The following GRM5 variants were observed in gnomAD, a reference collection of about 807,000 sequenced individuals.
GRM5 encodes glutamate metabotropic receptor 5, also known as metabotropic glutamate receptor 5.
A neutral mutation model predicts 83.1 loss-of-function variants in GRM5; 19 were observed. That is an observed-to-expected ratio of 0.23 (90% CI 0.16 to 0.34). The LOEUF is 0.34. Among genes scored for constraint, GRM5 ranks in the 10% least tolerant of loss-of-function variants. The pLI, the probability that GRM5 is intolerant of heterozygous loss-of-function variation, is 1.00. For missense variants in GRM5, 1,160 were observed against 1,588.3 expected, an observed-to-expected ratio of 0.73 and a Z score of 4.58; for synonymous variants, 675 against 633.6, an observed-to-expected ratio of 1.07 and a Z score of -0.98.
intron 3 of GRM5, among the ~76,000 whole-genome samples, chr11:88,802,164 T>C (rs1943409969): frequency 6.6e-6 from 1 of 152,058 alleles, no homozygotes; most frequent in Admixed American, 6.6e-5. Flanking sequence ...CATTAAAGAG[T>C]AGGGTCATAA....
chr11:88,605,238 A>G (rs1475677163), intron 4 of GRM5, among the ~76,000 whole-genome samples: 2 of 152,170 alleles, frequency 1.3e-5, no homozygotes, highest in Non-Finnish European at 2.9e-5. Context: ...CTAAGTATGA[A>G]TGCAGGATAG....
chr11:88,802,661 CAT>C, intron 3 of GRM5, among the ~76,000 whole-genome samples: 1 of 152,074 alleles, frequency 6.6e-6, no homozygotes, highest in South Asian at 2.1e-4. Context: ...TCCTATTCAA[CAT>C]AGTGTTGGAA....
At chr11:88,815,875 G>C (rs1441179745) in intron 3 of GRM5, among the ~76,000 whole-genome samples, 1 of 152,156 alleles carries the variant, frequency 6.6e-6, no homozygotes, top group Non-Finnish European at 1.5e-5. Context: ...ATGCAAACCA[G>C]AGAAAAACGT....
chr11:88,658,601 A>T (rs1011365045), intron 3 of GRM5, among the ~76,000 whole-genome samples: 4 of 152,178 alleles, frequency 2.6e-5, no homozygotes, highest in African/African-American at 9.6e-5. Flanking sequence ...CATACAAATG[A>T]TTATTATGGG....
At chr11:88,570,571 A>ATATATATATATATATATATTTTTT (rs1405339448) in intron 7 of GRM5, among the ~76,000 whole-genome samples, 2 of 46,376 alleles carry the variant, frequency 4.3e-5, no homozygotes, top group Non-Finnish European at 7.0e-5. Context: ...ATATATATAT[A>ATATATATATATATATATATTTTTT]TTTTTTTTTT....
chr11:88,597,104 A>C, intron 6 of GRM5, 80 bp downstream of exon 6: 2 of 897,198 alleles, frequency 2.2e-6, no homozygotes, highest in Non-Finnish European at 3.3e-6. Context: ...ATAAGTGTCT[A>C]AAATTTTTAA....
intron 3 of GRM5, among the ~76,000 whole-genome samples, chr11:88,785,598 G>T (rs1943053991): frequency 1.3e-5 from 2 of 152,070 alleles, no homozygotes; most frequent in African/African-American, 4.8e-5. Context: ...GATAGAAGAT[G>T]ATGTATTATC....
chr11:88,799,752 C>A (rs1038022341), intron 3 of GRM5, among the ~76,000 whole-genome samples: 1 of 152,018 alleles, frequency 6.6e-6, no homozygotes, highest in African/African-American at 2.4e-5. Context: ...AGCAGTTCTA[C>A]GATAATAAAA....
intron 1 of GRM5, among the ~76,000 whole-genome samples, chr11:89,051,254 A>G (rs1218966115): frequency 6.7e-6 from 1 of 148,574 alleles, no homozygotes; most frequent in Admixed American, 6.7e-5. Flanking sequence ...ACTCCGTCTC[A>G]CAAAAAAGAA....
chr11:88,810,163 T>C (rs1207084363), intron 3 of GRM5, among the ~76,000 whole-genome samples: 5 of 152,018 alleles, frequency 3.3e-5, no homozygotes, highest in African/African-American at 1.2e-4. Context: ...TAAAATGGTT[T>C]GGAAAAACTG....
At chr11:89,061,786 A>T (rs1941999195) in intron 1 of GRM5, among the ~76,000 whole-genome samples, 1 of 152,208 alleles carries the variant, frequency 6.6e-6, no homozygotes, top group African/African-American at 2.4e-5. Context: ...AATCATCTCG[A>T]CACATCCTTT....
At chr11:88,963,628 G>A (rs533682577) in intron 2 of GRM5, among the ~76,000 whole-genome samples, 26 of 152,238 alleles carry the variant, frequency 1.7e-4, no homozygotes, top group East Asian at 1.2e-3. Flanking sequence ...ACATTGTGCC[G>A]GTCAACCTCT....
intron 8 of GRM5, 146 bp downstream of exon 8, chr11:88,566,907 A>G: frequency 3.3e-6 from 2 of 602,194 alleles, no homozygotes; most frequent in Non-Finnish European, 5.9e-6. Context: ...CATAAATACC[A>G]TTTTATGAGA....
intron 3 of GRM5, among the ~76,000 whole-genome samples, chr11:88,701,522 T>G (rs923418486): frequency 1.3e-5 from 2 of 152,148 alleles, no homozygotes; most frequent in African/African-American, 4.8e-5. Context: ...GGCCTGTAGT[T>G]TGTTCCACCA....
rs188229086 is a variant in GRM5, at chr11:88,725,054, C to T, written c.912-71651G>A. ...CTGGATGCCATGATACAGAACCATTCACTCCCCTGGAAAGGGGGCTGAAGC... is the reference window on the plus strand; with the variant it reads ...CTGGATGCCATGATACAGAACCATTTACTCCCCTGGAAAGGGGGCTGAAGC... On this transcript the variant is annotated intron_variant, in intron 3 of 9. Transcript: ENST00000305447. 1.4e-3 allele frequency among the ~76,000 whole-genome samples: 219 copies of T among 152,228 alleles called. 1 individual carries two copies. The highest frequency in any genetic ancestry group is 1.1e-3 in the Non-Finnish European group (75 of 68,010).
At chr11:88,971,514 T>C (rs1939163765) in intron 2 of GRM5, among the ~76,000 whole-genome samples, 1 of 152,140 alleles carries the variant, frequency 6.6e-6, no homozygotes, top group Admixed American at 6.6e-5. Flanking sequence ...CCCCCACTTA[T>C]AAGTGAGAAC....
chr11:88,682,465 C>A (rs1940519596), intron 3 of GRM5, among the ~76,000 whole-genome samples: 1 of 152,072 alleles, frequency 6.6e-6, no homozygotes, highest in African/African-American at 2.4e-5. Context: ...TTGAATATAA[C>A]CATGTGTATC....
At chr11:88,765,393 T>G (rs1942607571) in intron 3 of GRM5, among the ~76,000 whole-genome samples, 1 of 54,880 alleles carries the variant, frequency 1.8e-5, no homozygotes, top group Admixed American at 2.0e-4. Context: ...CCAAGACAAT[T>G]TGAAAAAAAA....
At position 88,763,985 on chromosome 11, in the gene GRM5, A is replaced by T. The variant is rs148585783; in HGVS notation, c.911+85921T>A. The stretch of plus-strand genomic sequence containing the variant: ...TGTTGTCTACCAGAGACCCACTGAG[A>T]TTCAAAGGTACAAATAGACTGAAAG... On this transcript the variant is annotated intron_variant, in intron 3 of 9. Coordinates refer to ENST00000305447, the MANE Select transcript of GRM5 (RefSeq NM_001143831.3). 5.3e-3 allele frequency among the ~76,000 whole-genome samples: 802 copies of T among 151,872 alleles called. 5 individuals are homozygous for T. Among genetic ancestry groups the T allele is most frequent in the African/African-American group, 0.019 (770 of 41,506 alleles).
Sources: allele counts gnomAD v4.1 joint callset (sites outside exome capture counted in the v4.1 genomes callset), GRCh38; gene constraint gnomAD v4.1.1; transcripts MANE v1.5; gene names NCBI Gene and HGNC (gene_info 2026-07-23, HGNC 2026-07-21).